Variants in INTS12 observed in about 807,000 individuals in gnomAD.
INTS12 encodes PHD finger protein 22.
In INTS12, 13 loss-of-function variants were observed where a neutral mutation model predicts 41.6. That is an observed-to-expected ratio of 0.31 (90% CI 0.20 to 0.50). The LOEUF is 0.50. Among genes scored for constraint, INTS12 ranks in the 20% least tolerant of loss-of-function variants. The pLI is 0.98. For synonymous variants in INTS12, 199 were observed against 191.4 expected (o/e 1.04, Z -0.33); for missense variants, 432 against 541.6 (o/e 0.80, Z 2.01).
chr4:105,690,204 G>C (rs1488571095), intron 6 of INTS12, among the ~76,000 whole-genome samples: 1 of 152,182 alleles, frequency 6.6e-6, no homozygotes, highest in Non-Finnish European at 1.5e-5. Flanking sequence ...AGCAGTGAGA[G>C]AGAGGGCTGT....
chr4:105,693,869 CA>C (rs146581425), intron 4 of INTS12, among the ~76,000 whole-genome samples: 8,166 of 152,136 alleles, frequency 0.054, 252 homozygotes, highest in Middle Eastern at 0.14. Context: ...TAAATATTAT[CA>C]ATATACCCAT....
rs529988239 is a variant in INTS12 at position 105,702,918 on chromosome 4, T to A, written c.-10+730A>T. The A allele has an allele frequency of 4.1e-6, 4 of 985,034 alleles. No homozygotes were observed. In the African/African-American group the frequency reaches 5.2e-5, roughly 13 times the overall value. 61.0% of individuals were successfully genotyped at this position (985,034 alleles called of 1,614,324 possible). On this transcript the variant is annotated intron_variant, in intron 2 of 7. Coordinates refer to ENST00000340139, the MANE Select transcript of INTS12 (RefSeq NM_020395.4). ...CCCCCTTTTCTGTTGCCTTCTCTAA[T>A]CTCTGTTACTTTTCCTTCCTTACCG...
intron 5 of INTS12, among the ~76,000 whole-genome samples, chr4:105,692,524 C>T (rs1490474051): frequency 6.9e-6 from 1 of 145,532 alleles, no homozygotes; most frequent in East Asian, 2.1e-4. Flanking sequence ...CCAGGTTGTT[C>T]TGGTAAAGTT....
chr4:105,683,035 G>A lies in INTS12; in HGVS notation c.1087C>T (p.Pro363Ser), dbSNP rs1731373483. 1 of 1,614,154 alleles carries A rather than the reference G, an allele frequency of 6.2e-7. No individual in the cohort carries two copies. Among genetic ancestry groups the A allele is most frequent in the Non-Finnish European group, 8.5e-7 (1 of 1,179,986 alleles). ...GTTTTACCCAAGGTTAGAGGTGGAGGTGGTTTTAAAGGTACAGTGGGCGTA... is the reference window on the plus strand; with the variant it reads ...GTTTTACCCAAGGTTAGAGGTGGAGATGGTTTTAAAGGTACAGTGGGCGTA... ...STTPTVPLKP[P>S]PPLTLGKTGL... Residue 363 changes from proline (P) to serine (S), a missense_variant, in exon 8 of 8, where the codon CCT (proline) becomes TCT (serine). This residue lies in a region of INTS12 where 258 missense variants were observed against 309.9 expected (regional missense o/e 0.83). Transcript: ENST00000340139.
At chr4:105,698,750 G>A (rs749959276) in intron 3 of INTS12, among the ~76,000 whole-genome samples, 4 of 152,130 alleles carry the variant, frequency 2.6e-5, no homozygotes, top group African/African-American at 4.8e-5. Context: ...AAAAGGCTTC[G>A]GAGTACTAGA....
At chr4:105,700,735 A>ACACG (rs1732040480) in intron 2 of INTS12, among the ~76,000 whole-genome samples, 2 of 151,746 alleles carry the variant, frequency 1.3e-5, no homozygotes, top group Non-Finnish European at 2.9e-5. Flanking sequence ...ACACACACAC[A>ACACG]CACACACACA....
chr4:105,696,719 A>T (rs577488518), intron 3 of INTS12, among the ~76,000 whole-genome samples: 1 of 152,284 alleles, frequency 6.6e-6, no homozygotes, highest in Non-Finnish European at 1.5e-5. Context: ...TCTCTAGAAA[A>T]AATAGGAGTG....
In INTS12 at chr4:105,693,481, T is replaced by G; in HGVS notation, c.315A>C (p.Lys105Asn). The change falls in exon 5 of 8, where the codon AAA (lysine) becomes AAC (asparagine). Residue 105 changes from lysine (K) to asparagine (N), a missense_variant. Around this residue, in one of 3 missense-constraint regions of INTS12, gnomAD observed 168 missense variants for 198.9 expected, o/e 0.84. Coordinates refer to ENST00000340139, the MANE Select transcript of INTS12 (RefSeq NM_020395.4). ...TATCAACTCCTTCAGTGATGTCTGA[T>G]TTCATCTATAAAAAGCAGGCATCAG... is the stretch of plus-strand genomic sequence containing the variant. ...EAEKRPADKM[K>N]SDITEGVDIP... The G allele has an allele frequency of 6.2e-7, 1 of 1,607,812 alleles. No individual in the cohort carries two copies. The highest frequency in any genetic ancestry group is 8.5e-7 in the Non-Finnish European group (1 of 1,175,052).
intron 1 of INTS12, chr4:105,705,620 T>C (rs901135013): frequency 3.3e-5 from 5 of 152,168 alleles, no homozygotes; most frequent in African/African-American, 1.2e-4. Context: ...CCTAGTATCT[T>C]AGGCCATTCT....
chr4:105,686,651 C>CT (rs1445355380), intron 7 of INTS12, 41 bp downstream of exon 7: 1 of 1,489,062 alleles, frequency 6.7e-7, no homozygotes, highest in Admixed American at 2.2e-5. Context: ...GTCAACTAAA[C>CT]TTTAAGATAT....
chr4:105,707,872 T>C lies in INTS12; in HGVS notation c.-172+766A>G, dbSNP rs993559437. ...CTCCAGTCTAAATTGGGCATTCATA[T>C]ATAAATATAAGTATGTGCTTTCTCC... On this transcript the variant is annotated intron_variant, in intron 1 of 7. Transcript: ENST00000340139. 8.1e-6 allele frequency: 6 copies of C among 739,362 alleles called. No individual in the cohort carries two copies. The African/African-American group carries it at 1.2e-4, about 14-fold the overall frequency. 45.8% of individuals were successfully genotyped at this position (739,362 alleles called of 1,614,324 possible). A position where few individuals can be genotyped will look rare whatever the true frequency, so the allele number is the denominator to read the frequency against.
At chr4:105,683,637 C>T (rs578095544) in intron 7 of INTS12, among the ~76,000 whole-genome samples, 1 of 152,046 alleles carries the variant, frequency 6.6e-6, no homozygotes, top group African/African-American at 2.4e-5. Flanking sequence ...TAGTTTTTAC[C>T]CAACAAAGTA....
intron 5 of INTS12, among the ~76,000 whole-genome samples, chr4:105,693,092 T>G (rs1731744059): frequency 6.6e-6 from 1 of 152,280 alleles, no homozygotes; most frequent in East Asian, 1.9e-4. Flanking sequence ...TTAAAAGCCA[T>G]AGTTGGGAAA....
chr4:105,700,681 G>C (rs1045640262), intron 2 of INTS12, among the ~76,000 whole-genome samples: 1 of 141,680 alleles, frequency 7.1e-6, no homozygotes, highest in African/African-American at 2.8e-5. Context: ...TAAGGTCTCT[G>C]AGGGATAATA....
chr4:105,686,618 T>C (rs776811934), intron 7 of INTS12, 74 bp downstream of exon 7: 51 of 1,193,632 alleles, frequency 4.3e-5, no homozygotes, highest in Non-Finnish European at 6.0e-5. Flanking sequence ...TCATTAAATT[T>C]TTTATCAAGC....
rs532998599 is a variant in INTS12 at position 105,698,541 on chromosome 4, C to A, written c.156+1309G>T. On this transcript the variant is annotated intron_variant, in intron 3 of 7. Coordinates refer to ENST00000340139, the MANE Select transcript of INTS12 (RefSeq NM_020395.4). Reference sequence around the variant, plus strand: ...TAAGAGATAAACTTCCATTTTAGAACCCCATTAAAACAATTTTTTTTCTTT... The same window carrying A: ...TAAGAGATAAACTTCCATTTTAGAAACCCATTAAAACAATTTTTTTTCTTT... Among the ~76,000 whole-genome samples the A allele has an allele frequency of 1.1e-4, 16 of 146,318 alleles. No homozygotes were observed. In the South Asian group the frequency reaches 3.4e-3, roughly 31 times the overall value.
In INTS12 at chr4:105,699,496, T is replaced by G. The variant is rs760825483; in HGVS notation, c.156+354A>C. Reference sequence around the variant, plus strand: ...AAAGATCTGTCCTTTTACTTGATTTTTTTTAATCCTTAAAATATTAGGCAA... The same window carrying G: ...AAAGATCTGTCCTTTTACTTGATTTGTTTTAATCCTTAAAATATTAGGCAA... On this transcript the variant is annotated intron_variant, in intron 3 of 7. Coordinates refer to ENST00000340139, the MANE Select transcript of INTS12 (RefSeq NM_020395.4). Among the ~76,000 whole-genome samples the G allele has an allele frequency of 3.3e-5, 5 of 152,324 alleles. No homozygotes were observed. The South Asian group carries it at 1.0e-3, about 32-fold the overall frequency.
chr4:105,686,360 A>G (rs2149177520), intron 7 of INTS12, among the ~76,000 whole-genome samples: 1 of 152,288 alleles, frequency 6.6e-6, no homozygotes, highest in South Asian at 2.1e-4. Flanking sequence ...AAGTGCTGGG[A>G]CTATAGGTGT....
intron 4 of INTS12, among the ~76,000 whole-genome samples, chr4:105,694,446 C>T (rs72671811): frequency 0.054 from 8,163 of 152,170 alleles, 252 homozygotes; most frequent in Middle Eastern, 0.14. Flanking sequence ...ACGTCTCAGC[C>T]TCCTGAGGTG....
Sources: gnomAD v4.1 joint callset for allele counts (sites outside exome capture counted in the v4.1 genomes callset) on GRCh38, gnomAD v4.1.1 for gene constraint, gnomAD v4.1.1 regional missense constraint, MANE v1.5 for transcripts, NCBI Gene and HGNC (gene_info 2026-07-23, HGNC 2026-07-21) for gene names.